Variants in CCDC178 observed in about 807,000 individuals in gnomAD.
CCDC178 encodes coiled-coil domain-containing protein 178.
In CCDC178, 126 loss-of-function variants were observed where a neutral mutation model predicts 117.4. The observed-to-expected ratio is 1.07, with a 90% CI of 0.93 to 1.24. The LOEUF is 1.24. Among genes scored for constraint, CCDC178 ranks in the 50% most tolerant of loss-of-function variants. The probability of loss-of-function intolerance (pLI) is 0.00; values close to 1 mark genes in which losing one functional copy is unlikely to be tolerated. For synonymous variants in CCDC178, 283 were observed against 313.4 expected (o/e 0.90, Z 1.02); for missense variants, 1,030 against 986.9 (o/e 1.04, Z -0.59).
rs2144698546 is a variant in CCDC178, at chr18:33,351,880, A to T, written c.372-2905T>A. ...TCATGTATATTCAGATATATTCTAT[A>T]GTTTGCTTCTGATGTCTTTGTCTGG... On this transcript the variant is annotated intron_variant, in intron 7 of 22. Coordinates refer to ENST00000383096, the MANE Select transcript of CCDC178 (RefSeq NM_001105528.4). Among the ~76,000 whole-genome samples the T allele has an allele frequency of 1.3e-5, 2 of 152,274 alleles. 1 individual carries two copies. The highest frequency in any genetic ancestry group is 1.3e-4 in the Admixed American group (2 of 15,290).
intron 21 of CCDC178, among the ~76,000 whole-genome samples, chr18:33,072,591 C>G (rs747264477): frequency 4.0e-5 from 6 of 151,880 alleles, no homozygotes; most frequent in East Asian, 1.9e-4. Flanking sequence ...CTTAAGATGT[C>G]CTTAATGGAA....
chr18:32,981,690 G>T lies in CCDC178; in HGVS notation c.2389-7009C>A, dbSNP rs557635817. On this transcript the variant is annotated intron_variant, in intron 21 of 22. Coordinates refer to ENST00000383096, the MANE Select transcript of CCDC178 (RefSeq NM_001105528.4). ...GACCATCTGTCAAAATATAAAAATG[G>T]CTTTTTGTACAATATTTTTGTTATA... 6.6e-4 allele frequency among the ~76,000 whole-genome samples: 101 copies of T among 152,144 alleles called. 1 individual carries two copies. The highest frequency in any genetic ancestry group is 1.0e-3 in the Non-Finnish European group (70 of 67,962).
chr18:32,941,105 G>T (rs563972218), intron 22 of CCDC178, among the ~76,000 whole-genome samples: 1 of 151,216 alleles, frequency 6.6e-6, no homozygotes, highest in South Asian at 2.1e-4. Flanking sequence ...TCTGAAAGAC[G>T]CTTACAAAGT....
At chr18:33,185,616 C>T (rs1243698307) in intron 20 of CCDC178, among the ~76,000 whole-genome samples, 1 of 151,946 alleles carries the variant, frequency 6.6e-6, no homozygotes, top group Admixed American at 6.6e-5. Flanking sequence ...GGTTATTACA[C>T]AAGGAGATCG....
intron 5 of CCDC178, among the ~76,000 whole-genome samples, chr18:33,382,877 G>T (rs2063453490): frequency 6.6e-6 from 1 of 152,168 alleles, no homozygotes; most frequent in Non-Finnish European, 1.5e-5. Context: ...AGTCTTGCTT[G>T]GCAGGTCCCA....
intron 20 of CCDC178, among the ~76,000 whole-genome samples, chr18:33,100,758 A>G (rs1196481636): frequency 6.6e-6 from 1 of 152,046 alleles, no homozygotes; most frequent in African/African-American, 2.4e-5. Flanking sequence ...TGACTATAGT[A>G]TTCCTCCTAT....
At chr18:33,397,946 AG>A (rs1240315844) in intron 3 of CCDC178, among the ~76,000 whole-genome samples, 3 of 152,168 alleles carry the variant, frequency 2.0e-5, no homozygotes, top group Admixed American at 6.5e-5. Flanking sequence ...TAAACAAACA[AG>A]AATGTAAATT....
At chr18:33,023,750 A>AAAAAC (rs2056169531) in intron 21 of CCDC178, among the ~76,000 whole-genome samples, 1 of 152,114 alleles carries the variant, frequency 6.6e-6, no homozygotes, top group African/African-American at 2.4e-5. Context: ...TTGAACATAG[A>AAAAAC]AAAACAATAA....
intron 10 of CCDC178, among the ~76,000 whole-genome samples, chr18:33,329,874 A>AGTGTGTGT (rs764565977): frequency 0.017 from 1,252 of 75,420 alleles, 12 homozygotes; most frequent in South Asian, 0.021. Context: ...GAGAATTATT[A>AGTGTGTGT]GAGTGTGTGT....
chr18:33,435,198 A>C (rs886375279), intron 2 of CCDC178, among the ~76,000 whole-genome samples: 3 of 152,134 alleles, frequency 2.0e-5, no homozygotes, highest in Admixed American at 6.6e-5. Flanking sequence ...ATTTTGGGGC[A>C]TATTTTCTTA....
intron 14 of CCDC178, among the ~76,000 whole-genome samples, chr18:33,258,991 A>G (rs1402013858): frequency 1.3e-5 from 2 of 152,114 alleles, no homozygotes; most frequent in Non-Finnish European, 2.9e-5. Flanking sequence ...TACATCAACA[A>G]TGTTTCAGAA....
At chr18:33,091,324 C>CTTTTTTTTTTTATTTTTTTTTTT (rs2057459982) in intron 21 of CCDC178, among the ~76,000 whole-genome samples, 2 of 43,882 alleles carry the variant, frequency 4.6e-5, no homozygotes, top group East Asian at 8.2e-4. Context: ...TTATTTCATT[C>CTTTTTTTTTTTATTTTTTTTTTT]TTTTTTTTTT....
At chr18:33,129,317 G>C (rs986517244) in intron 20 of CCDC178, among the ~76,000 whole-genome samples, 2 of 151,998 alleles carry the variant, frequency 1.3e-5, no homozygotes, top group Non-Finnish European at 2.9e-5. Flanking sequence ...ATATTAAAAG[G>C]ATTTAATGGG....
At chr18:32,966,020 G>A (rs1291143822) in intron 22 of CCDC178, among the ~76,000 whole-genome samples, 1 of 149,556 alleles carries the variant, frequency 6.7e-6, no homozygotes, top group Admixed American at 6.7e-5. Flanking sequence ...TTTTTATGTA[G>A]TCAAATTTAT....
At chr18:33,389,937 G>T (rs2063544494) in intron 4 of CCDC178, among the ~76,000 whole-genome samples, 1 of 151,036 alleles carries the variant, frequency 6.6e-6, no homozygotes, top group African/African-American at 2.4e-5. Context: ...TAGCAAGGCA[G>T]AGATTTGTGT....
intron 22 of CCDC178, chr18:32,956,614 T>C (rs1318949669): frequency 6.6e-6 from 1 of 152,202 alleles, no homozygotes; most frequent in Non-Finnish European, 1.5e-5. Flanking sequence ...AAAATGGACC[T>C]AACAAAATCT....
intron 15 of CCDC178, among the ~76,000 whole-genome samples, chr18:33,238,898 T>A (rs569602676): frequency 6.6e-6 from 1 of 151,976 alleles, no homozygotes. Context: ...TCGTCACATA[T>A]AAGAATTTGC....
chr18:33,007,693 A>G (rs2055779696), intron 21 of CCDC178, among the ~76,000 whole-genome samples: 1 of 152,118 alleles, frequency 6.6e-6, no homozygotes, highest in Non-Finnish European at 1.5e-5. Flanking sequence ...AGTACATACA[A>G]ATCAAGGCTA....
At chr18:33,317,138 T>C (rs1321772735) in intron 11 of CCDC178, among the ~76,000 whole-genome samples, 1 of 152,086 alleles carries the variant, frequency 6.6e-6, no homozygotes. Flanking sequence ...GCTTTGTTCT[T>C]TCGCTCTTTG....
Sources: gnomAD v4.1 joint callset for allele counts (sites outside exome capture counted in the v4.1 genomes callset) on GRCh38, gnomAD v4.1.1 for gene constraint, MANE v1.5 for transcripts, NCBI Gene and HGNC (gene_info 2026-07-23, HGNC 2026-07-21) for gene names.